Variants in IMMP2L observed in about 807,000 individuals in gnomAD.
The protein encoded by IMMP2L is inner mitochondrial membrane peptidase subunit 2.
In IMMP2L, 18 loss-of-function variants were observed where a neutral mutation model predicts 19.3. The observed-to-expected ratio is 0.93, with a 90% CI of 0.64 to 1.38. IMMP2L has a LOEUF of 1.38. IMMP2L is among the 40% of genes most tolerant of loss of function. IMMP2L has a pLI of 0.00. For synonymous variants in IMMP2L, 76 were observed against 73.0 expected (o/e 1.04, Z -0.21); for missense variants, 233 against 218.2 (o/e 1.07, Z -0.43).
chr7:111,147,428 T>C (rs916269713), intron 3 of IMMP2L, among the ~76,000 whole-genome samples: 8 of 152,156 alleles, frequency 5.3e-5, no homozygotes, highest in Non-Finnish European at 8.8e-5. Context: ...GAAAGTTGTC[T>C]GTAGGCAACA....
chr7:110,890,309 T>C (rs1810666821), intron 4 of IMMP2L, among the ~76,000 whole-genome samples: 1 of 152,184 alleles, frequency 6.6e-6, no homozygotes, highest in Non-Finnish European at 1.5e-5. Context: ...TACTAGTCTC[T>C]TGTATATTTG....
intron 1 of IMMP2L, among the ~76,000 whole-genome samples, chr7:111,543,615 T>C (rs1848666964): frequency 6.6e-6 from 1 of 152,180 alleles, no homozygotes; most frequent in Non-Finnish European, 1.5e-5. Context: ...TAAAATTAAA[T>C]TTTATTTGAG....
intron 5 of IMMP2L, among the ~76,000 whole-genome samples, chr7:110,730,299 A>T (rs1270349761): frequency 6.6e-6 from 1 of 152,144 alleles, no homozygotes; most frequent in African/African-American, 2.4e-5. Flanking sequence ...CAGGCAGAAG[A>T]CAATGGAAAG....
At chr7:111,551,756 G>A (rs60658093) in intron 1 of IMMP2L, among the ~76,000 whole-genome samples, 3,055 of 152,010 alleles carry the variant, frequency 0.02, 104 homozygotes, top group African/African-American at 0.07. Flanking sequence ...ACAAAGGCTC[G>A]AGTTCTGCCA....
intron 3 of IMMP2L, among the ~76,000 whole-genome samples, chr7:111,450,996 A>G (rs1264817588): frequency 3.3e-5 from 5 of 151,428 alleles, no homozygotes; most frequent in Non-Finnish European, 7.4e-5. Flanking sequence ...AATGCAAATC[A>G]AAACCACCAT....
intron 5 of IMMP2L, among the ~76,000 whole-genome samples, chr7:110,814,468 G>A (rs1450968557): frequency 6.7e-6 from 1 of 150,046 alleles, no homozygotes; most frequent in Admixed American, 6.7e-5. Context: ...CATTATCAGA[G>A]TATTAATTAT....
intron 3 of IMMP2L, among the ~76,000 whole-genome samples, chr7:111,110,528 T>C (rs968871138): frequency 6.6e-6 from 1 of 152,186 alleles, no homozygotes; most frequent in Non-Finnish European, 1.5e-5. Flanking sequence ...TATTCGTTTT[T>C]CAGTTTGGAT....
intron 3 of IMMP2L, among the ~76,000 whole-genome samples, chr7:111,142,130 AGCCTG>A (rs1802966041): frequency 6.6e-6 from 1 of 152,112 alleles, no homozygotes; most frequent in African/African-American, 2.4e-5. Flanking sequence ...GTGCGAGACC[AGCCTG>A]GCCAACATGG....
At chr7:111,376,442 A>G (rs1830683235) in intron 3 of IMMP2L, among the ~76,000 whole-genome samples, 1 of 152,088 alleles carries the variant, frequency 6.6e-6, no homozygotes, top group African/African-American at 2.4e-5. Context: ...AACCCCATAC[A>G]CTGCTGGTGA....
intron 5 of IMMP2L, among the ~76,000 whole-genome samples, chr7:110,804,306 T>C (rs1801468210): frequency 6.6e-6 from 1 of 152,074 alleles, no homozygotes; most frequent in African/African-American, 2.4e-5. Context: ...GAACCTCCTA[T>C]ACACCAAATA....
chr7:111,310,053 G>A (rs1823337284), intron 3 of IMMP2L, among the ~76,000 whole-genome samples: 1 of 151,946 alleles, frequency 6.6e-6, no homozygotes. Flanking sequence ...TGGCCAACAT[G>A]GGGAAATCCC....
chr7:111,361,090 C>T (rs1008398870), intron 3 of IMMP2L, among the ~76,000 whole-genome samples: 3 of 151,864 alleles, frequency 2.0e-5, no homozygotes, highest in Non-Finnish European at 2.9e-5. Flanking sequence ...CTAGTGAAAT[C>T]CTGTAACAAT....
chr7:111,523,495 A>C (rs1164666672), intron 1 of IMMP2L, among the ~76,000 whole-genome samples: 7 of 152,076 alleles, frequency 4.6e-5, no homozygotes, highest in African/African-American at 1.7e-4. Context: ...GATGAATGAT[A>C]ATCTAAATTG....
In IMMP2L at chr7:111,022,890, T is replaced by C. The variant is rs548629769; in HGVS notation, c.240-59325A>G. ...TTAATGCTAACCTTTCTTTTTTTTA[T>C]GGGAAAATGTTGTGAAATTGAATGA... On this transcript the variant is annotated intron_variant, in intron 3 of 5. Coordinates refer to ENST00000405709, the MANE Select transcript of IMMP2L (RefSeq NM_032549.4). Among the ~76,000 whole-genome samples the C allele has an allele frequency of 1.7e-4, 26 of 151,548 alleles. No individual in the cohort carries two copies. The South Asian group carries it at 5.4e-3, about 31-fold the overall frequency.
At chr7:111,211,873 T>C (rs1260876320) in intron 3 of IMMP2L, among the ~76,000 whole-genome samples, 3 of 152,028 alleles carry the variant, frequency 2.0e-5, no homozygotes, top group Admixed American at 2.0e-4. Context: ...GGCAGGCGCC[T>C]GTAGTCCCAG....
chr7:110,962,999 C>T, intron 4 of IMMP2L: 1 of 1,497,270 alleles, frequency 6.7e-7, no homozygotes, highest in South Asian at 1.3e-5. Context: ...TGCTTAAACA[C>T]CTGATTGTTA....
chr7:110,804,532 T>C (rs923050616), intron 5 of IMMP2L, among the ~76,000 whole-genome samples: 1 of 152,086 alleles, frequency 6.6e-6, no homozygotes, highest in Non-Finnish European at 1.5e-5. Flanking sequence ...GGCACACTAC[T>C]AGCTGTCCCC....
At chr7:111,304,454 A>C (rs2130087596) in intron 3 of IMMP2L, among the ~76,000 whole-genome samples, 1 of 152,060 alleles carries the variant, frequency 6.6e-6, no homozygotes, top group East Asian at 1.9e-4. Context: ...GAAGAGTAAA[A>C]ATTAACGTTC....
intron 3 of IMMP2L, among the ~76,000 whole-genome samples, chr7:111,305,148 TAAG>T (rs1259221896): frequency 1.3e-5 from 2 of 151,908 alleles, no homozygotes; most frequent in Non-Finnish European, 2.9e-5. Context: ...TTGCAAGGGT[TAAG>T]AAGAGTGGGA....
Sources: allele counts gnomAD v4.1 joint callset (sites outside exome capture counted in the v4.1 genomes callset), GRCh38; gene constraint gnomAD v4.1.1; transcripts MANE v1.5; gene names NCBI Gene and HGNC (gene_info 2026-07-23, HGNC 2026-07-21).